Variants in WNT10B observed in about 807,000 individuals in gnomAD.
WNT10B encodes protein Wnt-10b.
Under a neutral mutation model 32.7 loss-of-function variants are expected in WNT10B, and 26 were observed. The ratio of observed to expected loss-of-function variants is 0.79; its 90% CI spans 0.58 to 1.10. The LOEUF (loss-of-function observed/expected upper bound fraction) is 1.10, where lower values mean the gene tolerates loss of function less well. WNT10B is among the 50% of genes least tolerant of loss of function. WNT10B has a pLI of 0.00. For synonymous variants in WNT10B, 204 were observed against 220.4 expected, an observed-to-expected ratio of 0.93 and a Z score of 0.66; for missense variants, 474 against 532.5, an observed-to-expected ratio of 0.89 and a Z score of 1.08.
In WNT10B at chr12:48,970,727, A is replaced by T; in HGVS notation, c.-40-158T>A. 1.6e-6 allele frequency: 1 copy of T among 626,562 alleles called. No homozygotes were observed. Among genetic ancestry groups the T allele is most frequent in the Non-Finnish European group, 2.8e-6 (1 of 355,848 alleles). The allele number at this position is 626,562 out of a possible 1,614,324, so 38.8% of individuals were successfully genotyped here. ...CAAGAAGAAACACCCCTTGATTCCCAGAGTCCCTGAGGCTTGGAGGTCTTA... is the reference window on the plus strand; with the variant it reads ...CAAGAAGAAACACCCCTTGATTCCCTGAGTCCCTGAGGCTTGGAGGTCTTA... On this transcript the variant is annotated intron_variant, in intron 1 of 4. Coordinates refer to ENST00000301061, the MANE Select transcript of WNT10B (RefSeq NM_003394.4). The surrounding 1 kb of genome is among the most constrained non-coding windows in gnomAD (Gnocchi z 5.0).
intron 4 of WNT10B, among the ~76,000 whole-genome samples, chr12:48,967,351 G>C (rs1940754966): frequency 6.6e-6 from 1 of 152,010 alleles, no homozygotes; most frequent in African/African-American, 2.4e-5. Flanking sequence ...GTTTTTAATA[G>C]AGACAGGGTT....
In WNT10B at chr12:48,970,073, G is replaced by T; in HGVS notation, c.337+16C>A. The T allele has an allele frequency of 6.0e-6, 9 of 1,502,970 alleles. No individual in the cohort carries two copies. Among genetic ancestry groups the T allele is most frequent in the East Asian group, 2.5e-5 (1 of 39,756 alleles). The allele number at this position is 1,502,970 out of a possible 1,614,324, so 93.1% of individuals were successfully genotyped here. ...CTAGCCTCCGCGGCAGCGCCGACCC[G>T]CCCAGCCAGGCTCACCGCGCTTGAG... On this transcript the variant is annotated intron_variant, in intron 3 of 4. Coordinates refer to ENST00000301061, the MANE Select transcript of WNT10B (RefSeq NM_003394.4). The surrounding 1 kb of genome is among the most constrained non-coding windows in gnomAD (Gnocchi z 5.0).
chr12:48,969,806 A>G (rs1940812278), intron 3 of WNT10B, among the ~76,000 whole-genome samples: 1 of 152,004 alleles, frequency 6.6e-6, no homozygotes, highest in South Asian at 2.1e-4. Context: ...TCTTGTTCAC[A>G]GGTGCAACCC....
In WNT10B at chr12:48,970,141, G is replaced by C. The variant is rs934900211; in HGVS notation, c.285C>G (p.Ser95=). The C allele has an allele frequency of 7.0e-5, 107 of 1,536,386 alleles. No homozygotes were observed. The highest frequency in any genetic ancestry group is 1.2e-4 in the African/African-American group (9 of 72,914). ...GCAGGCGGCCGCCGCCCTCAAGCGCGGAGCAGTTCCAGCGCTGGTCGCGCA... is the reference window on the plus strand; with the variant it reads ...GCAGGCGGCCGCCGCCCTCAAGCGCCGAGCAGTTCCAGCGCTGGTCGCGCA... ...HQLRDQRWNC[S]ALEGGGRLPH... is the part of the protein sequence containing the mutation. Residue 95 remains serine (S), a synonymous_variant, in exon 3 of 5, where the codon TCC becomes TCG. Transcript: ENST00000301061. This position sits in a 1 kb window ranked among gnomAD's most constrained non-coding sequence, Gnocchi z 5.0.
rs1408465984 is a variant in WNT10B, at chr12:48,970,229, G to A, written c.197C>T (p.Pro66Leu). ...CTGAAGCGCGGACGCCGTCACGTCG[G>A]GGTTGCGCAGGCACAGGCCTAGCTG... Reference protein sequence around the residue: ...KRQLGLCLRNPDVTASALQGL... With the variant: ...KRQLGLCLRNLDVTASALQGL... The change falls in exon 3 of 5, where the codon CCC becomes CTC. Residue 66 changes from proline (P) to leucine (L), a missense_variant. Transcript: ENST00000301061. The surrounding 1 kb of genome is among the most constrained non-coding windows in gnomAD (Gnocchi z 5.0). 11 of 1,607,434 alleles carry A rather than the reference G, an allele frequency of 6.8e-6. No individual in the cohort carries two copies. The highest frequency in any genetic ancestry group is 6.7e-5 in the African/African-American group (5 of 74,780).
At position 48,970,286 on chromosome 12, in the gene WNT10B, A is replaced by C; in HGVS notation, c.140T>G (p.Val47Gly). 1 of 1,613,962 alleles carries C rather than the reference A, an allele frequency of 6.2e-7. No individual in the cohort carries two copies. The highest frequency in any genetic ancestry group is 1.1e-5 in the South Asian group (1 of 91,078). The change falls in exon 3 of 5, where the codon GTG (valine) becomes GGG (glycine). Residue 47 changes from valine to glycine, a missense_variant. Coordinates refer to ENST00000301061, the MANE Select transcript of WNT10B (RefSeq NM_003394.4). The surrounding 1 kb of genome is among the most constrained non-coding windows in gnomAD (Gnocchi z 5.0). ...GCTCAGGCCGGACAGCGTCAAGCACACGGTGTTGGCCGTCAGCGGCGGCTC... is the reference window on the plus strand; with the variant it reads ...GCTCAGGCCGGACAGCGTCAAGCACCCGGTGTTGGCCGTCAGCGGCGGCTC... Reference protein sequence around the residue: ...PGEPPLTANTVCLTLSGLSKR... With the variant: ...PGEPPLTANTGCLTLSGLSKR...
Position 48,970,671 on chromosome 12 carries a change from A to G in WNT10B, c.-40-102T>C. On this transcript the variant is annotated intron_variant, in intron 1 of 4. Coordinates refer to ENST00000301061, the MANE Select transcript of WNT10B (RefSeq NM_003394.4). This position sits in a 1 kb window ranked among gnomAD's most constrained non-coding sequence, Gnocchi z 5.0. ...GCTCCTAACCCACCGGTGCCACCCT[A>G]CTGACCCTTCTCATTCCTCCTCAAA... 1.2e-6 allele frequency: 1 copy of G among 818,960 alleles called. No individual in the cohort carries two copies. 50.7% of individuals were successfully genotyped at this position (818,960 alleles called of 1,614,324 possible). A position where few individuals can be genotyped will look rare whatever the true frequency, so the allele number is the denominator to read the frequency against.
At position 48,966,267 on chromosome 12, in the gene WNT10B, G is replaced by T; in HGVS notation, c.998C>A (p.Ala333Asp). The T allele has an allele frequency of 6.2e-7, 1 of 1,614,174 alleles. No homozygotes were observed. The highest frequency in any genetic ancestry group is 8.5e-7 in the Non-Finnish European group (1 of 1,180,028). ...TMGSPGTRGR[A>D]CNKTSRLLDG... ...CAACAGGCGGCTGGTCTTGTTGCAG[G>T]CCCGGCCCCTTGTCCCTGGGGAGCC... is the stretch of plus-strand genomic sequence containing the variant. The change falls in exon 5 of 5, where the codon GCC becomes GAC. Residue 333 changes from alanine (A) to aspartate (D), a missense_variant. Ala to Asp is a moderately radical substitution (Grantham distance 126, BLOSUM62 -2). Coordinates refer to ENST00000301061, the MANE Select transcript of WNT10B (RefSeq NM_003394.4).
chr12:48,969,437 C>T (rs1259543046), intron 3 of WNT10B, among the ~76,000 whole-genome samples: 1 of 152,206 alleles, frequency 6.6e-6, no homozygotes, highest in Non-Finnish European at 1.5e-5. Context: ...AGGGAGTGAA[C>T]TCCAGTGGGA....
Position 48,966,474 on chromosome 12 carries a change from G to C in WNT10B, c.791C>G (p.Ala264Gly). The C allele has an allele frequency of 1.9e-6, 3 of 1,614,010 alleles. No homozygotes were observed. The highest frequency in any genetic ancestry group is 2.5e-6 in the Non-Finnish European group (3 of 1,180,030). Residue 264 changes from alanine (A) to glycine (G), a missense_variant, in exon 5 of 5, where the codon GCG becomes GGG. Transcript: ENST00000301061. Reference sequence around the variant, plus strand: ...CCCCACTGCCCGGAACTCTGGGGCCGCCCTCCAGCATGTCTTGAACTGGCA... The same window carrying C: ...CCCCACTGCCCGGAACTCTGGGGCCCCCCTCCAGCATGTCTTGAACTGGCA... The part of the protein sequence containing the change: ...GSCQFKTCWR[A>G]APEFRAVGAA...
chr12:48,969,126 C>G (rs866522656), intron 3 of WNT10B: 1 of 470,952 alleles, frequency 2.1e-6, no homozygotes, highest in Admixed American at 2.3e-5. Context: ...GGTGTCCAAG[C>G]CTTCCCCTAC....
Position 48,966,067 on chromosome 12 carries a change from T to C in WNT10B, c.*28A>G, listed in dbSNP as rs1420506374. On this transcript the variant is annotated 3_prime_UTR_variant, in exon 5 of 5. Transcript: ENST00000301061. ...AAGGCGCCCCTCTCACACAGTCCTC[T>C]TCCCCAGCCCCAAGGTAAGGCTGAC... 3 of 1,612,858 alleles carry C rather than the reference T, an allele frequency of 1.9e-6. No homozygotes were observed. The East Asian group carries it at 6.7e-5, about 36-fold the overall frequency.
In WNT10B at chr12:48,970,854, C is replaced by G; in HGVS notation, c.-40-285G>C. On this transcript the variant is annotated intron_variant, in intron 1 of 4. Transcript: ENST00000301061. The surrounding 1 kb of genome is among the most constrained non-coding windows in gnomAD (Gnocchi z 5.0). ...CGCCCGGCACACAGACACACACTCA[C>G]TTGCAAACTCAGACACACAGACTCA... 1 of 486,294 alleles carries G rather than the reference C, an allele frequency of 2.1e-6. No individual in the cohort carries two copies. The allele number at this position is 486,294 out of a possible 1,614,324, so 30.1% of individuals were successfully genotyped here.
chr12:48,968,349 G>A (rs761966738), intron 3 of WNT10B, 30 bp from the exon 4 acceptor site: 2 of 1,599,782 alleles, frequency 1.3e-6, no homozygotes, highest in Non-Finnish European at 8.5e-7. Context: ...GATGGTGGAG[G>A]TAAGGTTGAC....
At chr12:48,969,974 C>G in intron 3 of WNT10B, 115 bp downstream of exon 3, 2 of 1,271,076 alleles carry the variant, frequency 1.6e-6, no homozygotes, top group Non-Finnish European at 2.0e-6. Flanking sequence ...GCGGGGAATT[C>G]CAGGAGAGGC....
At chr12:48,971,153 A>C (rs1940848667) in intron 1 of WNT10B, among the ~76,000 whole-genome samples, 1 of 152,074 alleles carries the variant, frequency 6.6e-6, no homozygotes, top group Non-Finnish European at 1.5e-5. Flanking sequence ...CTCCCTCCTA[A>C]AAGGGACCGT....
chr12:48,967,803 A>T lies in WNT10B; in HGVS notation c.711+143T>A, dbSNP rs182439224. On this transcript the variant is annotated intron_variant, in intron 4 of 4. Coordinates refer to ENST00000301061, the MANE Select transcript of WNT10B (RefSeq NM_003394.4). ...AGATAAGTATCATTAGGTTCTTTAC[A>T]GATACAAAACTGAGGCTGGGTGACT... 4,306 of 1,144,398 alleles carry T rather than the reference A, an allele frequency of 3.8e-3. 13 individuals carry two copies. The highest frequency in any genetic ancestry group is 4.8e-3 in the Non-Finnish European group (3,890 of 818,708). The allele number at this position is 1,144,398 out of a possible 1,614,324, so 70.9% of individuals were successfully genotyped here.
At chr12:48,971,164 G>C (rs919702819) in intron 1 of WNT10B, among the ~76,000 whole-genome samples, 1 of 152,152 alleles carries the variant, frequency 6.6e-6, no homozygotes, top group Admixed American at 6.5e-5. Flanking sequence ...AAGGGACCGT[G>C]GCACAGACTG....
intron 3 of WNT10B, among the ~76,000 whole-genome samples, chr12:48,968,816 G>T (rs1321472529): frequency 6.6e-6 from 1 of 151,646 alleles, no homozygotes; most frequent in Non-Finnish European, 1.5e-5. Context: ...TCACTTCAGG[G>T]TTAATCAGTC....
Sources: gnomAD v4.1 joint callset for allele counts (sites outside exome capture counted in the v4.1 genomes callset) on GRCh38, gnomAD v4.1.1 for gene constraint, Gnocchi (gnomAD v3.1) non-coding constraint, MANE v1.5 for transcripts, NCBI Gene and HGNC (gene_info 2026-07-23, HGNC 2026-07-21) for gene names.